Variants in KCNB2 observed in about 807,000 individuals in gnomAD.
The protein encoded by KCNB2 is delayed rectifier potassium channel protein.
KCNB2 carries 15 observed loss-of-function variants against 61.5 expected under a neutral mutation model. The ratio of observed to expected loss-of-function variants is 0.24; its 90% CI spans 0.16 to 0.38. KCNB2 has a LOEUF of 0.38. Ranked by LOEUF, KCNB2 falls within the 10% of genes least tolerant of loss-of-function variation. The probability of loss-of-function intolerance (pLI) is 1.00; values close to 1 mark genes in which losing one functional copy is unlikely to be tolerated. For synonymous variants in KCNB2, 457 were observed against 446.0 expected (o/e 1.02, Z -0.31); for missense variants, 828 against 1,125.2 (o/e 0.74, Z 3.78).
At chr8:72,924,509 G>C (rs965997694) in intron 2 of KCNB2, among the ~76,000 whole-genome samples, 7 of 152,150 alleles carry the variant, frequency 4.6e-5, no homozygotes, top group Non-Finnish European at 8.8e-5. Flanking sequence ...TTTCTAATCT[G>C]TTCCCAGGTG....
chr8:72,850,395 A>AT (rs1293296091), intron 2 of KCNB2, among the ~76,000 whole-genome samples: 4 of 151,918 alleles, frequency 2.6e-5, no homozygotes, highest in Non-Finnish European at 4.4e-5. Flanking sequence ...AAGTTTTTGT[A>AT]TTTTTTGTAG....
chr8:72,563,334 A>G (rs1270439125), intron 1 of KCNB2, among the ~76,000 whole-genome samples: 1 of 152,192 alleles, frequency 6.6e-6, no homozygotes, highest in Admixed American at 6.5e-5. Context: ...ATTAAAGTTC[A>G]ATTAGCAATT....
In KCNB2 at chr8:72,691,965, G is replaced by A. The variant is rs569698736; in HGVS notation, c.579+123652G>A. Among the ~76,000 whole-genome samples, 15 of 152,056 alleles carry A rather than the reference G, an allele frequency of 9.9e-5. No individual in the cohort carries two copies. The South Asian group carries it at 3.1e-3, about 32-fold the overall frequency. ...TTAAAATTGGAAGCTGGCCGGGTGC[G>A]GTGGCTCACACTTGTAATCCCAGCA... is the stretch of plus-strand genomic sequence containing the variant. On this transcript the variant is annotated intron_variant, in intron 2 of 2. Coordinates refer to ENST00000523207, the MANE Select transcript of KCNB2 (RefSeq NM_004770.3).
intron 2 of KCNB2, among the ~76,000 whole-genome samples, chr8:72,648,604 T>C (rs1806167416): frequency 6.6e-6 from 1 of 151,360 alleles, no homozygotes; most frequent in Non-Finnish European, 1.5e-5. Context: ...AAATTAATAG[T>C]TTTGAGTAAA....
intron 2 of KCNB2, among the ~76,000 whole-genome samples, chr8:72,639,683 C>A (rs1806023305): frequency 6.6e-6 from 1 of 152,052 alleles, no homozygotes; most frequent in Non-Finnish European, 1.5e-5. Flanking sequence ...TCATTTGGAA[C>A]CCATTCTGGT....
intron 2 of KCNB2, among the ~76,000 whole-genome samples, chr8:72,857,841 T>G (rs1423738198): frequency 6.6e-6 from 1 of 152,190 alleles, no homozygotes; most frequent in East Asian, 1.9e-4. Flanking sequence ...GACAATGTAT[T>G]TTGCAATAGA....
At chr8:72,682,128 A>T (rs1341039774) in intron 2 of KCNB2, among the ~76,000 whole-genome samples, 2 of 152,172 alleles carry the variant, frequency 1.3e-5, no homozygotes, top group Non-Finnish European at 2.9e-5. Flanking sequence ...TGATTATACG[A>T]TTTGTATGTA....
At chr8:72,831,960 A>G (rs1356546877) in intron 2 of KCNB2, among the ~76,000 whole-genome samples, 2 of 152,258 alleles carry the variant, frequency 1.3e-5, no homozygotes, top group African/African-American at 2.4e-5. Context: ...TTTAAGAGTC[A>G]GATTTTGAAA....
At position 72,631,959 on chromosome 8, in the gene KCNB2, G is replaced by T. The variant is rs181833567; in HGVS notation, c.579+63646G>T. ...ACATTTTTAAAGGGTTAAGTGGGCT[G>T]GGCATGGTGGCTTATGCTTGTAATC... On this transcript the variant is annotated intron_variant, in intron 2 of 2. Coordinates refer to ENST00000523207, the MANE Select transcript of KCNB2 (RefSeq NM_004770.3). Among the ~76,000 whole-genome samples the T allele has an allele frequency of 2.6e-5, 4 of 152,228 alleles. 1 individual carries two copies. Among genetic ancestry groups the T allele is most frequent in the Admixed American group, 2.6e-4 (4 of 15,288 alleles).
chr8:72,768,579 T>A (rs2128996998), intron 2 of KCNB2, among the ~76,000 whole-genome samples: 1 of 152,272 alleles, frequency 6.6e-6, no homozygotes, highest in Admixed American at 6.5e-5. Flanking sequence ...ATCCTTTTTT[T>A]GTTGTTGTTG....
At chr8:72,725,572 T>TATAC (rs1807627661) in intron 2 of KCNB2, among the ~76,000 whole-genome samples, 2 of 103,434 alleles carry the variant, frequency 1.9e-5, no homozygotes, top group East Asian at 3.1e-4. Flanking sequence ...TATGTATATA[T>TATAC]ATGTATATAT....
intron 2 of KCNB2, among the ~76,000 whole-genome samples, chr8:72,898,095 T>A (rs1022418611): frequency 1.3e-5 from 2 of 152,302 alleles, no homozygotes; most frequent in Middle Eastern, 3.4e-3. Flanking sequence ...GTCTGTTTTT[T>A]AATGGGGATT....
intron 1 of KCNB2, among the ~76,000 whole-genome samples, chr8:72,542,563 G>A (rs1271270167): frequency 6.6e-6 from 1 of 151,944 alleles, no homozygotes; most frequent in Admixed American, 6.6e-5. Flanking sequence ...ATTATGTATG[G>A]CAATACTCCT....
intron 2 of KCNB2, among the ~76,000 whole-genome samples, chr8:72,591,016 G>T (rs896526134): frequency 6.6e-6 from 1 of 152,102 alleles, no homozygotes; most frequent in African/African-American, 2.4e-5. Context: ...ATAAGTATGC[G>T]TCACACCTTG....
chr8:72,937,380 T>C lies in KCNB2; in HGVS notation c.2025T>C (p.Thr675=). Residue 675 remains threonine (T), a synonymous_variant, in exon 3 of 3, where the codon ACT becomes ACC. Transcript: ENST00000523207. ...TGGAGTATGCCCCAGTTGACATAACTGTGAACCTCGATGCCAGTGGCTCCC... is the reference window on the plus strand; with the variant it reads ...TGGAGTATGCCCCAGTTGACATAACCGTGAACCTCGATGCCAGTGGCTCCC... ...GTLEYAPVDI[T]VNLDASGSQC... 2 of 1,614,060 alleles carry C rather than the reference T, an allele frequency of 1.2e-6. No homozygotes were observed. The highest frequency in any genetic ancestry group is 1.7e-6 in the Non-Finnish European group (2 of 1,180,000).
Position 72,937,652 on chromosome 8 carries a change from G to T in KCNB2, c.2297G>T (p.Arg766Ile). 1 of 1,614,082 alleles carries T rather than the reference G, an allele frequency of 6.2e-7. No homozygotes were observed. Among genetic ancestry groups the T allele is most frequent in the Non-Finnish European group, 8.5e-7 (1 of 1,180,010 alleles). Reference protein sequence around the residue: ...LLEETPSQGDRPLLGTEVSAP... With the variant: ...LLEETPSQGDIPLLGTEVSAP... ...GAAGAAACCCCCTCCCAGGGAGACA[G>T]ACCCTTGCTGGGCACTGAGGTTTCA... is the stretch of plus-strand genomic sequence containing the variant. The change falls in exon 3 of 3, where the codon AGA becomes ATA. Residue 766 changes from arginine (R) to isoleucine (I), a missense_variant. Arg to Ile is a moderately conservative substitution (Grantham distance 97). This residue lies in a region of KCNB2 where 559 missense variants were observed against 588.4 expected (regional missense o/e 0.95). Transcript: ENST00000523207.
intron 2 of KCNB2, among the ~76,000 whole-genome samples, chr8:72,708,465 G>A (rs1271172978): frequency 2.0e-5 from 3 of 152,200 alleles, no homozygotes; most frequent in Non-Finnish European, 4.4e-5. Flanking sequence ...GTTGACTATG[G>A]TCTGGAAGTT....
chr8:72,538,722 T>C (rs960663321), intron 1 of KCNB2, among the ~76,000 whole-genome samples: 1 of 152,254 alleles, frequency 6.6e-6, no homozygotes, highest in Non-Finnish European at 1.5e-5. Context: ...TGTAGTAATG[T>C]CAAGATTTTA....
intron 2 of KCNB2, among the ~76,000 whole-genome samples, chr8:72,843,083 A>G (rs1163132258): frequency 1.3e-5 from 2 of 151,838 alleles, no homozygotes; most frequent in Non-Finnish European, 2.9e-5. Context: ...AGTGCTGTAA[A>G]TTTCCCTCTA....
Sources: allele counts gnomAD v4.1 joint callset (sites outside exome capture counted in the v4.1 genomes callset), GRCh38; gene constraint gnomAD v4.1.1; regional missense constraint gnomAD v4.1.1; transcripts MANE v1.5; gene names NCBI Gene and HGNC (gene_info 2026-07-23, HGNC 2026-07-21).